G6PC1: variants seen among roughly 807,000 people sequenced by gnomAD.
The protein encoded by G6PC1 is G-6-Pase.
G6PC1 carries 23 observed loss-of-function variants against 30.4 expected under a neutral mutation model. The ratio of observed to expected loss-of-function variants is 0.76; its 90% CI spans 0.55 to 1.07. G6PC1 has a LOEUF of 1.07. Among genes scored for constraint, G6PC1 ranks in the 50% least tolerant of loss-of-function variants. The pLI, the probability that G6PC1 is intolerant of heterozygous loss-of-function variation, is 0.00. For synonymous variants in G6PC1, 163 were observed against 175.6 expected (o/e 0.93, Z 0.57); for missense variants, 391 against 433.9 (o/e 0.90, Z 0.88).
chr17:42,909,253 G>C, intron 3 of G6PC1, 50 bp from the exon 4 acceptor site: 1 of 1,355,770 alleles, frequency 7.4e-7, no homozygotes, highest in Non-Finnish European at 1.1e-6. Context: ...TGTTTTCTTT[G>C]CTGAAGGATC....
intron 1 of G6PC1, among the ~76,000 whole-genome samples, chr17:42,902,298 A>C (rs2056031044): frequency 6.6e-6 from 1 of 152,032 alleles, no homozygotes; most frequent in African/African-American, 2.4e-5. Flanking sequence ...GCCTGGCTGG[A>C]GTGCAATGGT....
In G6PC1 at chr17:42,912,791, C is replaced by T. The variant is rs957460607; in HGVS notation, c.*1365C>T. The T allele has an allele frequency of 6.6e-6, 1 of 152,024 alleles. No homozygotes were observed. The highest frequency in any genetic ancestry group is 2.4e-5 in the African/African-American group (1 of 41,356). 9.4% of individuals were successfully genotyped at this position (152,024 alleles called of 1,614,324 possible). On this transcript the variant is annotated 3_prime_UTR_variant, in exon 5 of 5. Transcript: ENST00000253801. ...TGTCCAGCTAGCCAACTCCTCCTTG[C>T]CTGCTTTTCTTTTTTTTTCTTTTTT...
rs763543607 is a variant in G6PC1, at chr17:42,909,388, C to G, written c.532C>G (p.Pro178Ala). 6.2e-7 allele frequency: 1 copy of G among 1,614,122 alleles called. No homozygotes were observed. The highest frequency in any genetic ancestry group is 2.2e-5 in the East Asian group (1 of 44,888). Residue 178 changes from proline to alanine, a missense_variant, in exon 4 of 5, where the codon CCT becomes GCT. Physicochemically the swap from Pro to Ala is conservative, Grantham distance 27. Transcript: ENST00000253801. ...ACGAATCTACCTTGCTGCTCATTTT[C>G]CTCATCAAGTTGTTGCTGGAGTCCT... ...LSRIYLAAHF[P>A]HQVVAGVLSG... is the part of the protein sequence containing the mutation.
chr17:42,909,520 A>G, intron 4 of G6PC1, 102 bp downstream of exon 4: 1 of 857,106 alleles, frequency 1.2e-6, no homozygotes, highest in Admixed American at 1.7e-5. Flanking sequence ...CCTGTGTGTA[A>G]TCAGTACTGT....
chr17:42,908,182 C>T (rs910161100), intron 3 of G6PC1, among the ~76,000 whole-genome samples: 3 of 152,168 alleles, frequency 2.0e-5, no homozygotes, highest in African/African-American at 7.2e-5. Context: ...AGGCCACACA[C>T]CACACCCAGC....
At chr17:42,903,465 G>C (rs1171488462) in intron 1 of G6PC1, among the ~76,000 whole-genome samples, 1 of 151,736 alleles carries the variant, frequency 6.6e-6, no homozygotes, top group Non-Finnish European at 1.5e-5. Flanking sequence ...TGTAATCCCA[G>C]CACTTTGGGA....
At chr17:42,904,215 T>C (rs943603635) in intron 2 of G6PC1, 175 bp downstream of exon 2, 75 of 640,058 alleles carry the variant, frequency 1.2e-4, no homozygotes, top group Non-Finnish European at 1.9e-4. Flanking sequence ...ACAGTAGTAT[T>C]GGAAATCTGC....
rs180807007 is a variant in G6PC1, at chr17:42,909,504, C to A, written c.562+86C>A. 1,509 of 967,898 alleles carry A rather than the reference C, an allele frequency of 1.6e-3. 7 individuals are homozygous for A. Among genetic ancestry groups the A allele is most frequent in the South Asian group, 4.3e-3 (338 of 77,892 alleles). 60.0% of individuals were successfully genotyped at this position (967,898 alleles called of 1,614,324 possible). ...TCAGGACAAAATCCCAGCATTCCAG[C>A]CACATCCTGTGTGTAATCAGTACTG... is the stretch of plus-strand genomic sequence containing the variant. On this transcript the variant is annotated intron_variant, in intron 4 of 4. Coordinates refer to ENST00000253801, the MANE Select transcript of G6PC1 (RefSeq NM_000151.4).
At chr17:42,901,720 A>G (rs1449431958) in intron 1 of G6PC1, among the ~76,000 whole-genome samples, 2 of 149,978 alleles carry the variant, frequency 1.3e-5, no homozygotes, top group Non-Finnish European at 1.5e-5. Flanking sequence ...AAAAAAAAAG[A>G]TAGATGATGT....
In G6PC1 at chr17:42,912,800, C is replaced by A. The variant is rs2056104489; in HGVS notation, c.*1374C>A. The A allele has an allele frequency of 6.6e-6, 1 of 151,112 alleles. No individual in the cohort carries two copies. Among genetic ancestry groups the A allele is most frequent in the African/African-American group, 2.4e-5 (1 of 41,052 alleles). 9.4% of individuals were successfully genotyped at this position (151,112 alleles called of 1,614,324 possible). On this transcript the variant is annotated 3_prime_UTR_variant, in exon 5 of 5. Coordinates refer to ENST00000253801, the MANE Select transcript of G6PC1 (RefSeq NM_000151.4). ...AGCCAACTCCTCCTTGCCTGCTTTTCTTTTTTTTTCTTTTTTTGAGACGGC... is the reference window on the plus strand; with the variant it reads ...AGCCAACTCCTCCTTGCCTGCTTTTATTTTTTTTTCTTTTTTTGAGACGGC...
At chr17:42,901,527 C>G (rs1430573644) in intron 1 of G6PC1, among the ~76,000 whole-genome samples, 1 of 151,946 alleles carries the variant, frequency 6.6e-6, no homozygotes, top group Non-Finnish European at 1.5e-5. Context: ...AGTTCAAGAC[C>G]AGCCTGGGCA....
rs2056110862 is a variant in G6PC1 at position 42,913,852 on chromosome 17, T to C, written c.*2426T>C. Reference sequence around the variant, plus strand: ...CACCAAGGAATGCTCAAGGGAGCTATTGCAGGTTTCTCTGCTAAGAGATTT... The same window carrying C: ...CACCAAGGAATGCTCAAGGGAGCTACTGCAGGTTTCTCTGCTAAGAGATTT... On this transcript the variant is annotated 3_prime_UTR_variant, in exon 5 of 5. Transcript: ENST00000253801. 6.6e-6 allele frequency among the ~76,000 whole-genome samples: 1 copy of C among 152,192 alleles called. No homozygotes were observed. The highest frequency in any genetic ancestry group is 6.5e-5 in the Admixed American group (1 of 15,278).
chr17:42,905,518 AAAAG>A (rs1232100478), intron 2 of G6PC1, among the ~76,000 whole-genome samples: 4 of 150,146 alleles, frequency 2.7e-5, no homozygotes, highest in African/African-American at 9.7e-5. Flanking sequence ...AAAAAAAAAA[AAAAG>A]AAGAAGAAGA....
At chr17:42,905,506 CAAAAA>C (rs555446125) in intron 2 of G6PC1, among the ~76,000 whole-genome samples, 1 of 66,510 alleles carries the variant, frequency 1.5e-5, no homozygotes, top group Admixed American at 1.7e-4. Flanking sequence ...TGTTTATAGG[CAAAAA>C]AAAAAAAAAA....
At chr17:42,905,625 C>G (rs148829440) in intron 2 of G6PC1, among the ~76,000 whole-genome samples, 1,670 of 151,924 alleles carry the variant, frequency 0.011, 30 homozygotes, top group African/African-American at 0.038. Flanking sequence ...GGATGAATTT[C>G]TCCCTGAAAT....
rs1475791681 is a variant in G6PC1, at chr17:42,912,587, T to A, written c.*1161T>A. ...AGGGTAAATATGACTCCTTTCTCTA[T>A]CCCAAGCCAACCAAGAGCACATTCT... is the stretch of plus-strand genomic sequence containing the variant. On this transcript the variant is annotated 3_prime_UTR_variant, in exon 5 of 5. Coordinates refer to ENST00000253801, the MANE Select transcript of G6PC1 (RefSeq NM_000151.4). 6.6e-6 allele frequency: 1 copy of A among 151,728 alleles called. No homozygotes were observed. Among genetic ancestry groups the A allele is most frequent in the Non-Finnish European group, 1.5e-5 (1 of 68,034 alleles). The allele number at this position is 151,728 out of a possible 1,614,324, so 9.4% of individuals were successfully genotyped here. A position where few individuals can be genotyped will look rare whatever the true frequency, so the allele number is the denominator to read the frequency against.
chr17:42,905,339 C>T (rs1204348943), intron 2 of G6PC1, among the ~76,000 whole-genome samples: 2 of 149,952 alleles, frequency 1.3e-5, no homozygotes, highest in Admixed American at 1.3e-4. Flanking sequence ...GCAGGAGAAT[C>T]GCTTGAACCT....
In G6PC1 at chr17:42,913,449, T is replaced by C. The variant is rs2056108715; in HGVS notation, c.*2023T>C. The C allele has an allele frequency of 6.6e-6, 1 of 152,210 alleles. No homozygotes were observed. The highest frequency in any genetic ancestry group is 2.4e-5 in the African/African-American group (1 of 41,448). 9.4% of individuals were successfully genotyped at this position (152,210 alleles called of 1,614,324 possible). A position where few individuals can be genotyped will look rare whatever the true frequency, so the allele number is the denominator to read the frequency against. ...TAATTTGGTTTCTCTGTGCCTGCATTTTCCCTTTGGAGAAGAAAAGTGCTC... is the reference window on the plus strand; with the variant it reads ...TAATTTGGTTTCTCTGTGCCTGCATCTTCCCTTTGGAGAAGAAAAGTGCTC... On this transcript the variant is annotated 3_prime_UTR_variant, in exon 5 of 5. Transcript: ENST00000253801.
At position 42,911,564 on chromosome 17, in the gene G6PC1, T is replaced by C. The variant is rs1202045165; in HGVS notation, c.*138T>C. ...TGCCGTCGTGGAATTAAATCACGGA[T>C]GGCAGATTGGAGGGTCGCCTGGCTT... On this transcript the variant is annotated 3_prime_UTR_variant, in exon 5 of 5. Transcript: ENST00000253801. 1 of 1,337,400 alleles carries C rather than the reference T, an allele frequency of 7.5e-7. No homozygotes were observed. The highest frequency in any genetic ancestry group is 1.0e-6 in the Non-Finnish European group (1 of 957,162). The allele number at this position is 1,337,400 out of a possible 1,614,324, so 82.8% of individuals were successfully genotyped here.
Sources: allele counts gnomAD v4.1 joint callset (sites outside exome capture counted in the v4.1 genomes callset), GRCh38; gene constraint gnomAD v4.1.1; transcripts MANE v1.5; gene names NCBI Gene and HGNC (gene_info 2026-07-23, HGNC 2026-07-21).